CACNB4: variants seen among roughly 807,000 people sequenced by gnomAD.
The protein encoded by CACNB4 is voltage-dependent L-type calcium channel subunit beta-4.
A neutral mutation model predicts 71.2 loss-of-function variants in CACNB4; 32 were observed. That is an observed-to-expected ratio of 0.45 (90% CI 0.34 to 0.60). CACNB4 has a LOEUF of 0.60. Ranked by LOEUF, CACNB4 falls within the 20% of genes least tolerant of loss-of-function variation. The pLI is 0.01. For missense variants in CACNB4, 464 were observed against 647.9 expected, an observed-to-expected ratio of 0.72 and a Z score of 3.08; for synonymous variants, 231 against 236.9, an observed-to-expected ratio of 0.97 and a Z score of 0.23.
intron 2 of CACNB4, among the ~76,000 whole-genome samples, chr2:151,981,453 C>CA (rs2099874701): frequency 6.6e-6 from 1 of 151,988 alleles, no homozygotes; most frequent in Non-Finnish European, 1.5e-5. Context: ...AAAACAAATA[C>CA]AAAATGGAAA....
At chr2:151,901,758 T>C (rs1009810276) in intron 2 of CACNB4, among the ~76,000 whole-genome samples, 6 of 152,206 alleles carry the variant, frequency 3.9e-5, no homozygotes, top group African/African-American at 1.4e-4. Context: ...GGGTAGAGGT[T>C]GAGGCTTATA....
intron 2 of CACNB4, among the ~76,000 whole-genome samples, chr2:152,017,889 A>T (rs983094669): frequency 1.3e-5 from 2 of 150,444 alleles, no homozygotes; most frequent in Admixed American, 1.3e-4. Context: ...CTGGAGTGCA[A>T]TGGCATGGTC....
intron 2 of CACNB4, among the ~76,000 whole-genome samples, chr2:151,955,189 A>T (rs190165454): frequency 6.6e-6 from 1 of 152,080 alleles, no homozygotes; most frequent in African/African-American, 2.4e-5. Context: ...GCACCTCACA[A>T]TTTCAGAGCT....
At chr2:152,057,044 T>A (rs548556689) in intron 2 of CACNB4, among the ~76,000 whole-genome samples, 1 of 152,220 alleles carries the variant, frequency 6.6e-6, no homozygotes, top group East Asian at 1.9e-4. Context: ...TACGGCAACA[T>A]TGAGGGATGT....
At chr2:151,967,938 T>C (rs1032092836) in intron 2 of CACNB4, 6 of 152,198 alleles carry the variant, frequency 3.9e-5, no homozygotes, top group Non-Finnish European at 8.8e-5. Flanking sequence ...AGTTATGTTA[T>C]AAAAGAATAT....
At chr2:152,079,419 G>C (rs546498631) in intron 2 of CACNB4, among the ~76,000 whole-genome samples, 1 of 151,968 alleles carries the variant, frequency 6.6e-6, no homozygotes, top group South Asian at 2.1e-4. Context: ...TTGTTTTAGA[G>C]AAGTATTTAT....
rs2099834664 is a variant in CACNB4 at position 151,835,301 on chromosome 2, G to C, written c.*3818C>G. On this transcript the variant is annotated 3_prime_UTR_variant, in exon 14 of 14. Coordinates refer to ENST00000539935, the MANE Select transcript of CACNB4 (RefSeq NM_000726.5). ...AAAACTTCACTAACGTGGAAGAAAT[G>C]AAAGGGTGCCAAACAGCATTTTGGA... 1 of 151,912 alleles carries C rather than the reference G, an allele frequency of 6.6e-6. No homozygotes were observed. Among genetic ancestry groups the C allele is most frequent in the African/African-American group, 2.4e-5 (1 of 41,446 alleles). 9.4% of individuals were successfully genotyped at this position (151,912 alleles called of 1,614,324 possible).
At position 151,839,234 on chromosome 2, in the gene CACNB4, T is replaced by C. The variant is rs754375350; in HGVS notation, c.1448A>G (p.Asp483Gly). The change falls in exon 14 of 14, where the codon GAT becomes GGT. Residue 483 changes from aspartate (D) to glycine (G), a missense_variant. Transcript: ENST00000539935. ...RLSSSSQHSR[D>G]HYPLVEEDYP... Reference sequence around the variant, plus strand: ...ATCTTCTTCCACAAGAGGGTAATGATCTCGGCTATGCTGAGAACTGGAAGA... The same window carrying C: ...ATCTTCTTCCACAAGAGGGTAATGACCTCGGCTATGCTGAGAACTGGAAGA... The C allele has an allele frequency of 1.2e-6, 2 of 1,613,836 alleles. No homozygotes were observed. Among genetic ancestry groups the C allele is most frequent in the South Asian group, 1.1e-5 (1 of 91,066 alleles).
chr2:151,934,736 C>G (rs1041994031), intron 2 of CACNB4, among the ~76,000 whole-genome samples: 7 of 152,246 alleles, frequency 4.6e-5, no homozygotes, highest in Admixed American at 1.3e-4. Flanking sequence ...ACTTGGGAGG[C>G]TGAGGCAAGA....
At chr2:151,903,497 C>G (rs1218652709) in intron 2 of CACNB4, among the ~76,000 whole-genome samples, 3 of 151,994 alleles carry the variant, frequency 2.0e-5, no homozygotes, top group South Asian at 2.1e-4. Context: ...CCAGCCTGAG[C>G]AGCAGAGAGA....
At chr2:151,914,442 A>G (rs932166161) in intron 2 of CACNB4, among the ~76,000 whole-genome samples, 8 of 151,894 alleles carry the variant, frequency 5.3e-5, no homozygotes, top group Non-Finnish European at 1.5e-5. Context: ...GTAGTTTTTT[A>G]TTACCCATCT....
chr2:151,836,643 T>C lies in CACNB4; in HGVS notation c.*2476A>G, dbSNP rs558272942. Reference sequence around the variant, plus strand: ...AACAGGTATGGACATCTGATGGTAATTGATAGATTGGTTTTGTGCACAGAT... The same window carrying C: ...AACAGGTATGGACATCTGATGGTAACTGATAGATTGGTTTTGTGCACAGAT... On this transcript the variant is annotated 3_prime_UTR_variant, in exon 14 of 14. Transcript: ENST00000539935. 16 of 152,070 alleles carry C rather than the reference T, an allele frequency of 1.1e-4. No individual in the cohort carries two copies. The highest frequency in any genetic ancestry group is 6.2e-4 in the South Asian group (3 of 4,828). The allele number at this position is 152,070 out of a possible 1,614,324, so 9.4% of individuals were successfully genotyped here.
chr2:151,963,532 G>A (rs1168726503), intron 2 of CACNB4, among the ~76,000 whole-genome samples: 1 of 151,970 alleles, frequency 6.6e-6, no homozygotes, highest in Non-Finnish European at 1.5e-5. Context: ...AGAATCTGGA[G>A]GTCATATCCT....
intron 2 of CACNB4, among the ~76,000 whole-genome samples, chr2:152,086,209 TGCATGAGCAA>T (rs1266864951): frequency 6.6e-6 from 1 of 152,226 alleles, no homozygotes; most frequent in African/African-American, 2.4e-5. Flanking sequence ...ATTTTCATTT[TGCATGAGCAA>T]GAGAAATATG....
At chr2:152,050,800 A>T (rs1479317042) in intron 2 of CACNB4, among the ~76,000 whole-genome samples, 1 of 151,832 alleles carries the variant, frequency 6.6e-6, no homozygotes, top group Non-Finnish European at 1.5e-5. Context: ...ACAGGGTCTC[A>T]CTTTGTCACC....
In CACNB4 at chr2:151,838,355, T is replaced by C. The variant is rs1236150325; in HGVS notation, c.*764A>G. 6.6e-6 allele frequency: 1 copy of C among 152,618 alleles called. No individual in the cohort carries two copies. The highest frequency in any genetic ancestry group is 6.5e-5 in the Admixed American group (1 of 15,274). 9.5% of individuals were successfully genotyped at this position (152,618 alleles called of 1,614,324 possible). ...GAGGTTTTTTGCTTGTTTGTATTTG[T>C]TTTTGCCAACTTCAAATGAGCTAAC... On this transcript the variant is annotated 3_prime_UTR_variant, in exon 14 of 14. Coordinates refer to ENST00000539935, the MANE Select transcript of CACNB4 (RefSeq NM_000726.5).
intron 2 of CACNB4, among the ~76,000 whole-genome samples, chr2:151,910,418 G>C (rs2099855894): frequency 6.6e-6 from 1 of 152,144 alleles, no homozygotes; most frequent in South Asian, 2.1e-4. Flanking sequence ...TTTTCTTCTA[G>C]GGTTTTTATG....
At chr2:152,071,486 C>T (rs551184013) in intron 2 of CACNB4, among the ~76,000 whole-genome samples, 1 of 152,228 alleles carries the variant, frequency 6.6e-6, no homozygotes, top group South Asian at 2.1e-4. Context: ...TTAATATCTA[C>T]ACATTAGGCT....
intron 2 of CACNB4, among the ~76,000 whole-genome samples, chr2:151,932,008 C>T (rs944599870): frequency 1.3e-5 from 2 of 152,004 alleles, no homozygotes; most frequent in Non-Finnish European, 2.9e-5. Context: ...GAGGTATTTG[C>T]ACATGATTGA....
Sources: allele counts gnomAD v4.1 joint callset (sites outside exome capture counted in the v4.1 genomes callset), GRCh38; gene constraint gnomAD v4.1.1; transcripts MANE v1.5; gene names NCBI Gene and HGNC (gene_info 2026-07-23, HGNC 2026-07-21).